SEMA3C: variants seen among roughly 807,000 people sequenced by gnomAD.
SEMA3C encodes the protein semaphorin 3C, also known as semaphorin-3C.
A neutral mutation model predicts 89.4 loss-of-function variants in SEMA3C; 47 were observed. The observed-to-expected ratio is 0.53, with a 90% CI of 0.42 to 0.67. The LOEUF (loss-of-function observed/expected upper bound fraction) is 0.67, where lower values mean the gene tolerates loss of function less well. Among genes scored for constraint, SEMA3C ranks in the 30% least tolerant of loss-of-function variants. The pLI, the probability that SEMA3C is intolerant of heterozygous loss-of-function variation, is 0.00. For synonymous variants in SEMA3C, 310 were observed against 320.2 expected (o/e 0.97, Z 0.34); for missense variants, 839 against 929.1 (o/e 0.90, Z 1.26).
At chr7:80,860,285 G>T (rs1286471462) in intron 2 of SEMA3C, among the ~76,000 whole-genome samples, 1 of 151,966 alleles carries the variant, frequency 6.6e-6, no homozygotes, top group Non-Finnish European at 1.5e-5. Flanking sequence ...TTTAATAAAA[G>T]ATTATAAACC....
In SEMA3C at chr7:80,813,059, G is replaced by A. The variant is rs554718621; in HGVS notation, c.448-2358C>T. On this transcript the variant is annotated intron_variant, in intron 5 of 17. Transcript: ENST00000265361. ...TGGGCTCAAGTGATCTGCCCGCCTT[G>A]GCCTCCCAAAGTGCTGGGATTACAG... Among the ~76,000 whole-genome samples the A allele has an allele frequency of 2.0e-5, 3 of 150,340 alleles. 1 individual carries two copies. In the Admixed American group the frequency reaches 2.0e-4, roughly 10 times the overall value.
At chr7:80,770,786 G>A (rs1037298014) in intron 12 of SEMA3C, among the ~76,000 whole-genome samples, 1 of 152,228 alleles carries the variant, frequency 6.6e-6, no homozygotes, top group African/African-American at 2.4e-5. Context: ...CTAGAAAAGA[G>A]TGAGGGCCCT....
intron 2 of SEMA3C, among the ~76,000 whole-genome samples, chr7:80,881,209 A>T (rs10954387): frequency 0.13 from 18,098 of 136,302 alleles, 1,942 homozygotes; most frequent in African/African-American, 0.32. Flanking sequence ...ACACACACAC[A>T]CTCTCTCTCA....
chr7:80,862,817 T>C lies in SEMA3C; in HGVS notation c.104-34072A>G, dbSNP rs530547017. 1.2e-3 allele frequency among the ~76,000 whole-genome samples: 181 copies of C among 152,100 alleles called. 5 individuals are homozygous for C. The South Asian group carries it at 0.029, about 24-fold the overall frequency. On this transcript the variant is annotated intron_variant, in intron 2 of 17. Coordinates refer to ENST00000265361, the MANE Select transcript of SEMA3C (RefSeq NM_006379.5). ...ACTTACAGTCAACTGATCTTCAACA[T>C]AGCAAACTAAAACATAAAGTGGGGA...
intron 2 of SEMA3C, among the ~76,000 whole-genome samples, chr7:80,913,568 T>C (rs1792202940): frequency 6.6e-6 from 1 of 152,214 alleles, no homozygotes; most frequent in South Asian, 2.1e-4. Context: ...CAATATTAAC[T>C]AAGGAAAAAC....
intron 15 of SEMA3C, among the ~76,000 whole-genome samples, chr7:80,756,830 T>A (rs2117044792): frequency 6.6e-6 from 1 of 150,958 alleles, no homozygotes; most frequent in South Asian, 2.1e-4. Flanking sequence ...ACCCACCCAT[T>A]TAACATCACG....
At chr7:80,776,938 A>C (rs767698354) in intron 12 of SEMA3C, among the ~76,000 whole-genome samples, 2 of 152,142 alleles carry the variant, frequency 1.3e-5, no homozygotes, top group Non-Finnish European at 2.9e-5. Flanking sequence ...TACTTATTAA[A>C]TGCATAGCTA....
At chr7:80,750,965 A>C (rs1032851409) in intron 16 of SEMA3C, among the ~76,000 whole-genome samples, 2 of 152,132 alleles carry the variant, frequency 1.3e-5, no homozygotes, top group African/African-American at 4.8e-5. Flanking sequence ...CTTAAAATGG[A>C]AAATAGGTTT....
chr7:80,913,067 A>T (rs1234032185), intron 2 of SEMA3C, among the ~76,000 whole-genome samples: 2 of 152,154 alleles, frequency 1.3e-5, no homozygotes. Context: ...ATTACTAAAA[A>T]TTCAGCACAC....
intron 2 of SEMA3C, among the ~76,000 whole-genome samples, chr7:80,883,141 G>A (rs1394486488): frequency 1.3e-5 from 2 of 151,992 alleles, no homozygotes; most frequent in Non-Finnish European, 2.9e-5. Flanking sequence ...TTGTTAATAC[G>A]CCACAAGCTA....
chr7:80,808,803 T>C (rs1420039499), intron 6 of SEMA3C, among the ~76,000 whole-genome samples: 1 of 152,156 alleles, frequency 6.6e-6, no homozygotes, highest in Non-Finnish European at 1.5e-5. Context: ...AGACAGAGTT[T>C]CACTCTTGTT....
At chr7:80,883,568 T>C (rs1458136956) in intron 2 of SEMA3C, among the ~76,000 whole-genome samples, 1 of 152,258 alleles carries the variant, frequency 6.6e-6, no homozygotes, top group Non-Finnish European at 1.5e-5. Flanking sequence ...AGTTGGATTT[T>C]TGCATACTCA....
chr7:80,905,837 G>A, intron 2 of SEMA3C: 1 of 1,288,648 alleles, frequency 7.8e-7, no homozygotes, highest in Non-Finnish European at 1.0e-6. Context: ...ACTAGAGTAG[G>A]TGGTTGCTGA....
At chr7:80,896,789 C>A (rs959346758) in intron 2 of SEMA3C, among the ~76,000 whole-genome samples, 1 of 152,150 alleles carries the variant, frequency 6.6e-6, no homozygotes, top group African/African-American at 2.4e-5. Context: ...CTTTCTGAGA[C>A]AACTTTTCTA....
chr7:80,805,897 T>C, intron 6 of SEMA3C, 139 bp from the exon 7 acceptor site: 1 of 507,124 alleles, frequency 2.0e-6, no homozygotes, highest in South Asian at 4.2e-5. Flanking sequence ...TTGGTTTGCA[T>C]TGTCCAGCAA....
At chr7:80,921,045 C>T (rs1462150714), upstream of SEMA3C, among the ~76,000 whole-genome samples, 1 of 152,100 alleles carries the variant, frequency 6.6e-6, no homozygotes, top group African/African-American at 2.4e-5. Context: ...GAGAAAACCA[C>T]GATAAAGAGT....
chr7:80,777,740 C>T (rs935117478), intron 12 of SEMA3C, among the ~76,000 whole-genome samples: 2 of 152,158 alleles, frequency 1.3e-5, no homozygotes, highest in East Asian at 3.8e-4. Flanking sequence ...TCCATCATGG[C>T]TGTAGAAAGT....
intron 7 of SEMA3C, 32 bp downstream of exon 7, chr7:80,805,607 C>T (rs1789320191): frequency 6.4e-7 from 1 of 1,572,948 alleles, no homozygotes. Context: ...TAACACGATA[C>T]TAAAAAATAA....
intron 4 of SEMA3C, among the ~76,000 whole-genome samples, chr7:80,826,925 T>C (rs1407647830): frequency 1.3e-5 from 2 of 152,168 alleles, no homozygotes; most frequent in Non-Finnish European, 2.9e-5. Context: ...TGAACATATA[T>C]TGATACTTAT....
Sources: gnomAD v4.1 joint callset for allele counts (sites outside exome capture counted in the v4.1 genomes callset) on GRCh38, gnomAD v4.1.1 for gene constraint, MANE v1.5 for transcripts, NCBI Gene and HGNC (gene_info 2026-07-23, HGNC 2026-07-21) for gene names.